SLC35F1: variants seen among roughly 807,000 people sequenced by gnomAD.
SLC35F1 encodes the protein chromosome 6 open reading frame 169.
SLC35F1 carries 14 observed loss-of-function variants against 48.7 expected under a neutral mutation model. That is an observed-to-expected ratio of 0.29 (90% CI 0.19 to 0.45). The LOEUF is 0.45. SLC35F1 is among the 20% of genes least tolerant of loss of function. The pLI is 1.00. For missense variants in SLC35F1, 404 were observed against 500.0 expected (o/e 0.81, Z 1.83); for synonymous variants, 190 against 202.2 (o/e 0.94, Z 0.51).
intron 1 of SLC35F1, among the ~76,000 whole-genome samples, chr6:118,053,092 T>C (rs567022708): frequency 6.6e-6 from 1 of 152,172 alleles, no homozygotes; most frequent in East Asian, 1.9e-4. Context: ...AAAAAAAAAT[T>C]ATCTGGTAAG....
intron 5 of SLC35F1, 106 bp from the exon 6 acceptor site, chr6:118,277,388 G>T: frequency 3.0e-6 from 3 of 984,596 alleles, no homozygotes; most frequent in East Asian, 4.9e-5. Context: ...TCATCTGGTT[G>T]CTTCATTATT....
chr6:118,258,812 G>T (rs967106368), intron 3 of SLC35F1, among the ~76,000 whole-genome samples: 10 of 151,946 alleles, frequency 6.6e-5, no homozygotes, highest in African/African-American at 2.4e-4. Flanking sequence ...GATGCAGTGA[G>T]AAGGTTGACT....
intron 1 of SLC35F1, among the ~76,000 whole-genome samples, chr6:117,931,597 T>G (rs1776102628): frequency 6.6e-6 from 1 of 152,112 alleles, no homozygotes; most frequent in African/African-American, 2.4e-5. Context: ...ACTCACAGGG[T>G]TTTTTTGTTT....
chr6:117,964,210 T>G (rs1776532111), intron 1 of SLC35F1, among the ~76,000 whole-genome samples: 1 of 152,216 alleles, frequency 6.6e-6, no homozygotes, highest in African/African-American at 2.4e-5. Flanking sequence ...ATATTTTCTT[T>G]CTCCAGTCTA....
At chr6:117,909,145 C>G (rs1198123818) in intron 1 of SLC35F1, among the ~76,000 whole-genome samples, 1 of 152,196 alleles carries the variant, frequency 6.6e-6, no homozygotes, top group African/African-American at 2.4e-5. Flanking sequence ...GAAATTCACT[C>G]TGACGGGAGA....
rs533796091 is a variant in SLC35F1 at position 118,286,799 on chromosome 6, G to T, written c.1002+1461G>T. Among the ~76,000 whole-genome samples, 22 of 134,956 alleles carry T rather than the reference G, an allele frequency of 1.6e-4. No homozygotes were observed. The East Asian group carries it at 2.0e-3, about 12-fold the overall frequency. The allele number at this position is 134,956 out of a possible 152,430, so 88.5% of individuals were successfully genotyped here. On this transcript the variant is annotated intron_variant, in intron 7 of 7. Transcript: ENST00000360388. ...TCTGTGTGTGTGTGTGTGTGTGTGT[G>T]TGTGTTTGTGTGTGTGTGTGGTGAG...
At chr6:117,924,439 T>C (rs951763799) in intron 1 of SLC35F1, among the ~76,000 whole-genome samples, 1 of 151,426 alleles carries the variant, frequency 6.6e-6, no homozygotes. Flanking sequence ...GCATAACACA[T>C]ATATACACAT....
At chr6:118,286,847 C>T (rs990999239) in intron 7 of SLC35F1, among the ~76,000 whole-genome samples, 19 of 151,382 alleles carry the variant, frequency 1.3e-4, no homozygotes, top group Admixed American at 4.6e-4. Flanking sequence ...CTACTTCCTT[C>T]GCAAATTTCA....
intron 1 of SLC35F1, among the ~76,000 whole-genome samples, chr6:118,035,264 C>T (rs1050510894): frequency 6.6e-6 from 1 of 151,926 alleles, no homozygotes; most frequent in Non-Finnish European, 1.5e-5. Context: ...TCTCCTTTTC[C>T]TTAATCAATG....
chr6:117,985,066 A>G (rs1172493451), intron 1 of SLC35F1, among the ~76,000 whole-genome samples: 1 of 152,252 alleles, frequency 6.6e-6, no homozygotes, highest in Non-Finnish European at 1.5e-5. Flanking sequence ...TCACACTTTG[A>G]TAAAACTTCC....
intron 1 of SLC35F1, among the ~76,000 whole-genome samples, chr6:118,121,537 C>T (rs1773553081): frequency 6.6e-6 from 1 of 152,170 alleles, no homozygotes; most frequent in African/African-American, 2.4e-5. Context: ...GTACAAATAC[C>T]TCCTTAGTGA....
chr6:118,020,764 T>C (rs1777383241), intron 1 of SLC35F1, among the ~76,000 whole-genome samples: 1 of 152,000 alleles, frequency 6.6e-6, no homozygotes, highest in East Asian at 1.9e-4. Context: ...AGTTGAAGAG[T>C]TGGGCTTGAG....
At chr6:118,035,652 CA>C (rs1322086138) in intron 1 of SLC35F1, among the ~76,000 whole-genome samples, 2 of 146,756 alleles carry the variant, frequency 1.4e-5, no homozygotes, top group African/African-American at 2.5e-5. Flanking sequence ...AAAACAAAAC[CA>C]AAAAAACCCC....
intron 1 of SLC35F1, among the ~76,000 whole-genome samples, chr6:117,998,792 T>G (rs1253831603): frequency 6.6e-6 from 1 of 152,126 alleles, no homozygotes; most frequent in African/African-American, 2.4e-5. Context: ...AGAGGGAAAT[T>G]TATAGCACTA....
At chr6:118,087,079 A>G (rs945582560) in intron 1 of SLC35F1, among the ~76,000 whole-genome samples, 1 of 152,164 alleles carries the variant, frequency 6.6e-6, no homozygotes, top group African/African-American at 2.4e-5. Flanking sequence ...CCCTAACAGC[A>G]TGCCACAGAC....
chr6:118,035,349 G>A (rs995104275), intron 1 of SLC35F1, among the ~76,000 whole-genome samples: 7 of 151,772 alleles, frequency 4.6e-5, no homozygotes, highest in Admixed American at 2.6e-4. Context: ...GCTCATGCCT[G>A]TAATTCCAGC....
intron 1 of SLC35F1, among the ~76,000 whole-genome samples, chr6:117,959,412 G>A (rs943493656): frequency 6.6e-6 from 1 of 152,292 alleles, no homozygotes; most frequent in East Asian, 1.9e-4. Flanking sequence ...ACTTATGAGT[G>A]AGACTTCCAT....
At chr6:118,230,460 T>G (rs570344475) in intron 2 of SLC35F1, among the ~76,000 whole-genome samples, 14 of 152,272 alleles carry the variant, frequency 9.2e-5, no homozygotes, top group African/African-American at 3.4e-4. Flanking sequence ...TCATAAAACA[T>G]AATAGTAGAC....
intron 2 of SLC35F1, among the ~76,000 whole-genome samples, chr6:118,210,344 T>G (rs934366939): frequency 2.6e-5 from 4 of 152,210 alleles, no homozygotes; most frequent in African/African-American, 9.7e-5. Flanking sequence ...CCTGTTAAGA[T>G]TTTACTGCCT....
Sources: allele counts gnomAD v4.1 joint callset (sites outside exome capture counted in the v4.1 genomes callset), GRCh38; gene constraint gnomAD v4.1.1; transcripts MANE v1.5; gene names NCBI Gene and HGNC (gene_info 2026-07-23, HGNC 2026-07-21).